OAS3: variants seen among roughly 807,000 people sequenced by gnomAD.
OAS3 encodes 2'-5'-oligoadenylate synthase 3.
Under a neutral mutation model 113.0 loss-of-function variants are expected in OAS3, and 107 were observed. The ratio of observed to expected loss-of-function variants is 0.95; its 90% CI spans 0.81 to 1.11. The LOEUF is 1.11. OAS3 is among the 50% of genes most tolerant of loss of function. The probability of loss-of-function intolerance (pLI) is 0.00; values close to 1 mark genes in which losing one functional copy is unlikely to be tolerated. For synonymous variants in OAS3, 552 were observed against 573.6 expected (o/e 0.96, Z 0.54); for missense variants, 1,258 against 1,389.1 (o/e 0.91, Z 1.50).
chr12:112,968,025 G>A lies in OAS3; in HGVS notation c.2955G>A (p.Lys985=). 3 of 1,614,014 alleles carry A rather than the reference G, an allele frequency of 1.9e-6. No homozygotes were observed. The South Asian group carries it at 3.3e-5, about 18-fold the overall frequency. ...LTVYAWEQGG[K]DSQFNMAEGF... The stretch of plus-strand genomic sequence containing the variant: ...TGTATGCCTGGGAGCAGGGCGGGAA[G>A]GACTCCCAGTTCAACATGGCTGAGG... The change falls in exon 14 of 16, where the codon AAG becomes AAA. Residue 985 remains lysine, a synonymous_variant. Coordinates refer to ENST00000228928, the MANE Select transcript of OAS3 (RefSeq NM_006187.4).
intron 14 of OAS3, among the ~76,000 whole-genome samples, chr12:112,968,668 C>G (rs947977293): frequency 7.9e-5 from 12 of 152,178 alleles, no homozygotes; most frequent in African/African-American, 2.4e-4. Context: ...GCGCATGCCA[C>G]CAGGTCCAGC....
At chr12:112,961,407 C>G (rs1338708406) in intron 8 of OAS3, among the ~76,000 whole-genome samples, 161 bp downstream of exon 8, 1 of 152,224 alleles carries the variant, frequency 6.6e-6, no homozygotes, top group African/African-American at 2.4e-5. Context: ...CTGCCCAGAT[C>G]TGGAAGCCAC....
In OAS3 at chr12:112,963,017, C is replaced by A; in HGVS notation, c.2084+115C>A. 7.0e-7 allele frequency: 1 copy of A among 1,427,450 alleles called. No individual in the cohort carries two copies. Among genetic ancestry groups the A allele is most frequent in the Non-Finnish European group, 9.6e-7 (1 of 1,041,616 alleles). The allele number at this position is 1,427,450 out of a possible 1,614,324, so 88.4% of individuals were successfully genotyped here. On this transcript the variant is annotated intron_variant, in intron 9 of 15. Transcript: ENST00000228928. The surrounding 1 kb of genome is among the most constrained non-coding windows in gnomAD (Gnocchi z 4.6). ...AGGGTTTGGGGTGGCAATCCCACTC[C>A]TCACTCTGCTTCCCTCTGGACTCTT...
At position 112,938,701 on chromosome 12, in the gene OAS3, T is replaced by C. The variant is rs761270172; in HGVS notation, c.171T>C (p.Thr57=). ...CTGCTGCCCCGCGGGTGCTGAAAAC[T>C]GTCAAGGTGAGGTCCCACCTCGGGG... is the stretch of plus-strand genomic sequence containing the variant. ...LGAAAPRVLK[T]VKGGSSGRGT... is the part of the protein sequence containing the mutation. Residue 57 remains threonine (T), a synonymous_variant, in exon 1 of 16, where the codon ACT becomes ACC. Transcript: ENST00000228928. The C allele has an allele frequency of 3.2e-6, 5 of 1,557,062 alleles. No homozygotes were observed. In the African/African-American group the frequency reaches 6.9e-5, roughly 21 times the overall value.
intron 12 of OAS3, 128 bp downstream of exon 12, chr12:112,966,157 GT>G: frequency 1.0e-6 from 1 of 982,658 alleles, no homozygotes; most frequent in Non-Finnish European, 1.5e-6. Context: ...TTGTAGTTGT[GT>G]ATGTTCATCA....
Position 112,970,126 on chromosome 12 carries a change from G to A in OAS3, c.*153G>A. The A allele has an allele frequency of 2.3e-6, 2 of 862,972 alleles. No homozygotes were observed. Among genetic ancestry groups the A allele is most frequent in the South Asian group, 3.0e-5 (2 of 65,912 alleles). 53.5% of individuals were successfully genotyped at this position (862,972 alleles called of 1,614,324 possible). A position where few individuals can be genotyped will look rare whatever the true frequency, so the allele number is the denominator to read the frequency against. On this transcript the variant is annotated 3_prime_UTR_variant, in exon 16 of 16. Transcript: ENST00000228928. Reference sequence around the variant, plus strand: ...TGTGTGTGCACACGTGTGCATGTGTGTGTTTTAGTGAATCTGCTCTCCCAG... The same window carrying A: ...TGTGTGTGCACACGTGTGCATGTGTATGTTTTAGTGAATCTGCTCTCCCAG...
intron 12 of OAS3, 68 bp downstream of exon 12, chr12:112,966,097 A>T: frequency 6.6e-7 from 1 of 1,525,726 alleles, no homozygotes; most frequent in Non-Finnish European, 9.0e-7. Flanking sequence ...GCAGTTGTAG[A>T]GGTTGCACAG....
chr12:112,956,976 A>C (rs919155704), intron 7 of OAS3, among the ~76,000 whole-genome samples: 3 of 152,122 alleles, frequency 2.0e-5, no homozygotes, highest in Non-Finnish European at 4.4e-5. Context: ...GAGTCTAAGT[A>C]TCTTTGTAGG....
rs200540151 is a variant in OAS3, at chr12:112,938,609, G to A, written c.79G>A (p.Glu27Lys). ...RRLQPRKEFV[E>K]KARRALGALA... ...GCTGCAGCCGCGGAAGGAGTTCGTA[G>A]AGAAGGCGCGGCGCGCTCTGGGCGC... Residue 27 changes from glutamate to lysine, a missense_variant, in exon 1 of 16, where the codon GAG (glutamate) becomes AAG (lysine). By Grantham distance (56) the Glu-to-Lys change is moderately conservative (BLOSUM62 1). Coordinates refer to ENST00000228928, the MANE Select transcript of OAS3 (RefSeq NM_006187.4). 4.4e-5 allele frequency: 71 copies of A among 1,610,254 alleles called. No homozygotes were observed. The African/African-American group carries it at 7.7e-4, about 18-fold the overall frequency.
intron 4 of OAS3, 62 bp from the exon 5 acceptor site, chr12:112,947,884 G>A (rs2136347443): frequency 2.0e-5 from 29 of 1,436,540 alleles, no homozygotes; most frequent in Non-Finnish European, 2.7e-5. Context: ...ATTGGAACCA[G>A]GTCCGTTTCA....
In OAS3 at chr12:112,968,170, C is replaced by A; in HGVS notation, c.3100C>A (p.Pro1034Thr). ...CTTCCTGAAACAGCAGCTTCAGAAG[C>A]CCAGGTTCAGGTCTACCCCCAATGT... ...GDFLKQQLQK[P>T]RPIILDPADP... is the part of the protein sequence containing the mutation. Residue 1034 changes from proline (P) to threonine (T), a missense_variant, in exon 14 of 16, where the codon CCC becomes ACC. Coordinates refer to ENST00000228928, the MANE Select transcript of OAS3 (RefSeq NM_006187.4). 6.2e-7 allele frequency: 1 copy of A among 1,612,262 alleles called. No individual in the cohort carries two copies. Among genetic ancestry groups the A allele is most frequent in the Non-Finnish European group, 8.5e-7 (1 of 1,178,710 alleles).
intron 3 of OAS3, among the ~76,000 whole-genome samples, chr12:112,945,537 T>C (rs2043720254): frequency 6.6e-6 from 1 of 152,266 alleles, no homozygotes; most frequent in Admixed American, 6.5e-5. Context: ...CAGACTCTTA[T>C]GCACTGGGGA....
Position 112,967,445 on chromosome 12 carries a change from G to C in OAS3, c.2717G>C (p.Ser906Thr). 6.2e-7 allele frequency: 1 copy of C among 1,613,180 alleles called. No homozygotes were observed. Among genetic ancestry groups the C allele is most frequent in the Admixed American group, 1.7e-5 (1 of 59,910 alleles). The change falls in exon 13 of 16, where the codon AGC becomes ACC. Residue 906 changes from serine (S) to threonine (T), a missense_variant. Coordinates refer to ENST00000228928, the MANE Select transcript of OAS3 (RefSeq NM_006187.4). ...CAGCTGGTCTCTGGCTCCAGGCCCA[G>C]CTCTCAAGTCTACGTCGACCTCATC... ...LGQLVSGSRP[S>T]SQVYVDLIHS...
intron 12 of OAS3, 75 bp downstream of exon 12, chr12:112,966,104 A>G: frequency 1.4e-6 from 2 of 1,457,926 alleles, no homozygotes; most frequent in Non-Finnish European, 9.5e-7. Flanking sequence ...TAGAGGTTGC[A>G]CAGTACACAA....
intron 4 of OAS3, among the ~76,000 whole-genome samples, chr12:112,947,492 C>T (rs1263130466): frequency 6.6e-6 from 1 of 152,316 alleles, no homozygotes; most frequent in Non-Finnish European, 1.5e-5. Context: ...AGTTGTGGAT[C>T]ATTCTTTTTT....
chr12:112,955,793 T>A (rs2043829806), intron 7 of OAS3, among the ~76,000 whole-genome samples: 1 of 152,206 alleles, frequency 6.6e-6, no homozygotes, highest in South Asian at 2.1e-4. Context: ...TCAGGGATAT[T>A]GGTCTTTTTT....
chr12:112,969,668 C>T lies in OAS3; in HGVS notation c.3165C>T (p.Asp1055=). ...TGNLGHNARW[D]LLAKEAAACT... is the part of the protein sequence containing the mutation. The stretch of plus-strand genomic sequence containing the variant: ...ACCTGGGCCACAATGCCCGCTGGGA[C>T]CTGCTGGCCAAGGAAGCTGCAGCCT... The change falls in exon 15 of 16, where the codon GAC becomes GAT. Residue 1055 remains aspartate (D), a synonymous_variant. Transcript: ENST00000228928. 1 of 1,610,766 alleles carries T rather than the reference C, an allele frequency of 6.2e-7. No homozygotes were observed. The highest frequency in any genetic ancestry group is 8.5e-7 in the Non-Finnish European group (1 of 1,178,590).
Position 112,944,325 on chromosome 12 carries a change from C to T in OAS3, c.461-151C>T. 6.5e-6 allele frequency: 5 copies of T among 763,696 alleles called. No individual in the cohort carries two copies. In the South Asian group the frequency reaches 8.5e-5, roughly 13 times the overall value. The allele number at this position is 763,696 out of a possible 1,614,324, so 47.3% of individuals were successfully genotyped here. On this transcript the variant is annotated intron_variant, in intron 2 of 15. Coordinates refer to ENST00000228928, the MANE Select transcript of OAS3 (RefSeq NM_006187.4). ...CTCCTGAAAAGCTCCAGGCTCTCTT[C>T]CCAGTCCCCCGACTCCCATGTTACC...
Position 112,962,738 on chromosome 12 carries a change from G to A in OAS3, c.1920G>A (p.Trp640Ter), listed in dbSNP as rs765912955. Residue 640 changes from tryptophan to a stop codon, truncating the protein, a stop_gained, in exon 9 of 16, where the codon TGG becomes TGA. Transcript: ENST00000228928. LOFTEE classifies it high-confidence loss of function. Reference sequence around the variant, plus strand: ...TGGAGCTCCTCACCATCTTTGCCTGGGAGCAGGGCTGCAGGCAGGATTGTT... The same window carrying A: ...TGGAGCTCCTCACCATCTTTGCCTGAGAGCAGGGCTGCAGGCAGGATTGTT... ...YALELLTIFA[W>*]EQGCRQDCFN... is the part of the protein sequence containing the mutation. The A allele has an allele frequency of 9.3e-6, 15 of 1,613,974 alleles. 1 individual carries two copies. The highest frequency in any genetic ancestry group is 3.3e-4 in the Middle Eastern group (2 of 6,062).
Sources: gnomAD v4.1 joint callset for allele counts (sites outside exome capture counted in the v4.1 genomes callset) on GRCh38, gnomAD v4.1.1 for gene constraint, Gnocchi (gnomAD v3.1) non-coding constraint, MANE v1.5 for transcripts, NCBI Gene and HGNC (gene_info 2026-07-23, HGNC 2026-07-21) for gene names.